The following CEP128 variants were observed in gnomAD, a reference collection of about 807,000 sequenced individuals.
CEP128 encodes the protein centrosomal protein 128kDa.
In CEP128, 132 loss-of-function variants were observed where a neutral mutation model predicts 156.7. The observed-to-expected ratio is 0.84, with a 90% CI of 0.73 to 0.97. The LOEUF (loss-of-function observed/expected upper bound fraction) is 0.97. CEP128 is among the 50% of genes least tolerant of loss of function. The probability of loss-of-function intolerance (pLI) is 0.00; values close to 1 mark genes in which losing one functional copy is unlikely to be tolerated. For missense variants in CEP128, 1,252 were observed against 1,281.9 expected (o/e 0.98, Z 0.36); for synonymous variants, 469 against 448.9 (o/e 1.04, Z -0.57).
chr14:80,938,421 T>C (rs777452103), intron 2 of CEP128, among the ~76,000 whole-genome samples: 1 of 151,988 alleles, frequency 6.6e-6, no homozygotes, highest in African/African-American at 2.4e-5. Flanking sequence ...AATTTTTTTG[T>C]ATTTTTTAGT....
At chr14:80,717,112 T>C (rs757150339) in intron 19 of CEP128, among the ~76,000 whole-genome samples, 36 of 152,164 alleles carry the variant, frequency 2.4e-4, no homozygotes, top group Non-Finnish European at 1.0e-4. Context: ...GCAAAGCACC[T>C]TAGGCAAAGG....
intron 19 of CEP128, among the ~76,000 whole-genome samples, chr14:80,682,932 A>C (rs1376198302): frequency 1.3e-5 from 2 of 152,168 alleles, no homozygotes; most frequent in African/African-American, 2.4e-5. Flanking sequence ...TTTCAAGAGA[A>C]CCTGGAGGGA....
chr14:80,660,098 A>G (rs1157151953), intron 19 of CEP128, among the ~76,000 whole-genome samples: 1 of 152,164 alleles, frequency 6.6e-6, no homozygotes, highest in African/African-American at 2.4e-5. Context: ...AAAGGTATTA[A>G]CATTGAATTA....
chr14:80,601,926 T>C (rs1481664441), intron 19 of CEP128, among the ~76,000 whole-genome samples: 1 of 152,092 alleles, frequency 6.6e-6, no homozygotes, highest in Non-Finnish European at 1.5e-5. Flanking sequence ...AAAGTGGAGA[T>C]TGGCAGATTT....
rs749363241 is a variant in CEP128, at chr14:80,644,363, TA to T, written c.2807-63941del. Among the ~76,000 whole-genome samples, 13 of 152,288 alleles carry T rather than the reference TA, an allele frequency of 8.5e-5. No individual in the cohort carries two copies. The East Asian group carries it at 2.1e-3, about 25-fold the overall frequency. On this transcript the variant is annotated intron_variant, in intron 19 of 24. Coordinates refer to ENST00000555265, the MANE Select transcript of CEP128 (RefSeq NM_152446.5). The stretch of plus-strand genomic sequence containing the variant: ...TGGAGATAAACGTTTAGGACTCCCC[TA>T]AAATACTTGCAGTGGCAGGAGAAAA...
chr14:80,640,537 A>G (rs1017448921), intron 19 of CEP128, among the ~76,000 whole-genome samples: 3 of 151,888 alleles, frequency 2.0e-5, no homozygotes, highest in African/African-American at 7.3e-5. Flanking sequence ...CAATTTTTCT[A>G]TTTTTTCCAC....
chr14:80,784,939 T>TA lies in CEP128; in HGVS notation c.2166dup (p.Lys723Ter). The TA allele has an allele frequency of 6.2e-7, 1 of 1,613,874 alleles. No homozygotes were observed. Among genetic ancestry groups the TA allele is most frequent in the Non-Finnish European group, 8.5e-7 (1 of 1,179,880 alleles). On this transcript the variant is annotated frameshift_variant, in exon 15 of 25. Transcript: ENST00000555265. LOFTEE classifies it high-confidence loss of function. ...TTCTCAGCCTCACTCTTTTCTTTCT[T>TA]AAAGTGCTTCATAAGCTCCTGGATA...
At chr14:80,715,986 C>G (rs543140011) in intron 19 of CEP128, among the ~76,000 whole-genome samples, 1 of 152,222 alleles carries the variant, frequency 6.6e-6, no homozygotes, top group African/African-American at 2.4e-5. Flanking sequence ...TAATCACTTG[C>G]TGGCAGATGA....
chr14:80,780,521 C>A (rs536877176), intron 15 of CEP128, among the ~76,000 whole-genome samples: 2 of 151,954 alleles, frequency 1.3e-5, no homozygotes, highest in Admixed American at 6.6e-5. Flanking sequence ...CCTCCCAGAT[C>A]TCAAGCTTTC....
chr14:80,699,859 A>C (rs779424667), intron 19 of CEP128, among the ~76,000 whole-genome samples: 31 of 152,056 alleles, frequency 2.0e-4, no homozygotes, highest in Non-Finnish European at 4.0e-4. Flanking sequence ...GGCCTAAAAG[A>C]ATGGGGGTAG....
At chr14:80,924,120 T>C (rs1000412450) in intron 2 of CEP128, among the ~76,000 whole-genome samples, 2 of 152,238 alleles carry the variant, frequency 1.3e-5, no homozygotes, top group African/African-American at 2.4e-5. Context: ...CATATCTTTA[T>C]AGCAGTATGA....
chr14:80,689,759 C>T (rs1031132151), intron 19 of CEP128, among the ~76,000 whole-genome samples: 16 of 151,616 alleles, frequency 1.1e-4, no homozygotes, highest in African/African-American at 3.4e-4. Context: ...ACATTAGAGG[C>T]CAGGGAAGTT....
intron 9 of CEP128, among the ~76,000 whole-genome samples, chr14:80,843,424 A>G (rs1413726114): frequency 1.3e-5 from 2 of 152,108 alleles, no homozygotes; most frequent in East Asian, 3.8e-4. Context: ...TAGATCATTC[A>G]CTGATAAACT....
chr14:80,814,720 T>A (rs1884749724), intron 13 of CEP128, among the ~76,000 whole-genome samples: 1 of 152,032 alleles, frequency 6.6e-6, no homozygotes, highest in Non-Finnish European at 1.5e-5. Flanking sequence ...ATCTCAAAAG[T>A]ACAAGCAACA....
At chr14:80,677,211 A>AT (rs1307151229) in intron 19 of CEP128, among the ~76,000 whole-genome samples, 1 of 152,184 alleles carries the variant, frequency 6.6e-6, no homozygotes, top group Non-Finnish European at 1.5e-5. Flanking sequence ...CTACAGATAT[A>AT]TTACAGGTAA....
intron 17 of CEP128, 147 bp downstream of exon 17, chr14:80,761,290 C>G: frequency 1.9e-6 from 1 of 536,296 alleles, no homozygotes; most frequent in Non-Finnish European, 3.2e-6. Context: ...ATAGATCCAG[C>G]GCCTTATTCT....
chr14:80,576,636 TG>T (rs376106052), intron 20 of CEP128, among the ~76,000 whole-genome samples: 3 of 87,084 alleles, frequency 3.4e-5, no homozygotes, highest in African/African-American at 9.0e-5. Flanking sequence ...TGTGTGTGTG[TG>T]TGTGTGTGTG....
chr14:80,535,534 C>G, intron 21 of CEP128, among the ~76,000 whole-genome samples: 1 of 152,182 alleles, frequency 6.6e-6, no homozygotes, highest in East Asian at 1.9e-4. Flanking sequence ...TGTAATCTCA[C>G]TGGTGCTAAA....
intron 23 of CEP128, among the ~76,000 whole-genome samples, chr14:80,507,322 A>T (rs1888024043): frequency 6.6e-6 from 1 of 152,124 alleles, no homozygotes; most frequent in African/African-American, 2.4e-5. Flanking sequence ...TTCATAAGAA[A>T]CTCGAAGTCA....
Sources: gnomAD v4.1 joint callset for allele counts (sites outside exome capture counted in the v4.1 genomes callset) on GRCh38, gnomAD v4.1.1 for gene constraint, MANE v1.5 for transcripts, NCBI Gene and HGNC (gene_info 2026-07-23, HGNC 2026-07-21) for gene names.